Variants in HDX observed in about 807,000 individuals in gnomAD.
HDX encodes the protein highly divergent homeobox, also known as chromosome X open reading frame 43.
In HDX, 19 loss-of-function variants were observed where a neutral mutation model predicts 45.2. That is an observed-to-expected ratio of 0.42 (90% confidence interval 0.29 to 0.62). HDX has a LOEUF of 0.62. Ranked by LOEUF, HDX falls within the 20% of genes least tolerant of loss-of-function variation. The pLI, the probability that HDX is intolerant of heterozygous loss-of-function variation, is 0.20. For synonymous variants in HDX, 188 were observed against 172.8 expected (o/e 1.09, Z -0.69); for missense variants, 532 against 493.9 (o/e 1.08, Z -0.73).
intron 1 of HDX, among the ~76,000 whole-genome samples, chrX:84,488,361 AC>A (rs2040836134): frequency 9.7e-6 from 1 of 103,231 alleles, no homozygotes; most frequent in East Asian, 2.8e-4. Context: ...ACACACACAC[AC>A]ACAACCAGTT....
At chrX:84,373,328 C>A (rs922296081) in intron 5 of HDX, among the ~76,000 whole-genome samples, 3 of 110,687 alleles carry the variant, frequency 2.7e-5, no homozygotes, top group Non-Finnish European at 5.7e-5. Context: ...ACATTTGGTT[C>A]AGAGTCTTGG....
At chrX:84,393,696 A>G (rs1262971297) in intron 5 of HDX, among the ~76,000 whole-genome samples, 1 of 110,762 alleles carries the variant, frequency 9.0e-6, no homozygotes, top group Non-Finnish European at 1.9e-5. Context: ...TGATCTCATT[A>G]CTTGTTATTG....
chrX:84,431,183 C>CT (rs763547075), intron 5 of HDX, among the ~76,000 whole-genome samples: 63 of 107,664 alleles, frequency 5.9e-4, no homozygotes, highest in African/African-American at 1.6e-3. Flanking sequence ...TCCATATTGC[C>CT]TTTTTTTTTA....
At chrX:84,421,424 A>G (rs2039250195) in intron 5 of HDX, among the ~76,000 whole-genome samples, 1 of 111,523 alleles carries the variant, frequency 9.0e-6, no homozygotes, top group African/African-American at 3.3e-5. Flanking sequence ...ACTAAAAAAG[A>G]TACATTGGAT....
chrX:84,486,011 G>T (rs1487090125), intron 2 of HDX, among the ~76,000 whole-genome samples: 1 of 111,450 alleles, frequency 9.0e-6, no homozygotes, highest in Non-Finnish European at 1.9e-5. Flanking sequence ...GTTTTAATTA[G>T]TTTCTTTACA....
intron 5 of HDX, among the ~76,000 whole-genome samples, chrX:84,372,482 C>G: frequency 8.9e-6 from 1 of 112,043 alleles, no homozygotes; most frequent in East Asian, 2.8e-4. Flanking sequence ...CATAAGCACA[C>G]AGCAAGTTTA....
intron 4 of HDX, among the ~76,000 whole-genome samples, chrX:84,447,992 C>G (rs2039909542): frequency 9.0e-6 from 1 of 111,616 alleles, no homozygotes; most frequent in South Asian, 3.8e-4. Flanking sequence ...TCTGTAAAAG[C>G]CTGGCAATCA....
intron 4 of HDX, among the ~76,000 whole-genome samples, chrX:84,449,248 A>G (rs774308201): frequency 1.8e-5 from 2 of 111,746 alleles, no homozygotes; most frequent in Non-Finnish European, 3.8e-5. Context: ...AAACCTATTT[A>G]GTTAAATAAT....
intron 7 of HDX, among the ~76,000 whole-genome samples, chrX:84,338,307 C>A (rs948916254): frequency 1.0e-4 from 11 of 110,415 alleles, no homozygotes; most frequent in African/African-American, 3.3e-4. Flanking sequence ...ATGTTTTTGT[C>A]TCCTCTGCTA....
chrX:84,356,777 C>T (rs1286352904), intron 6 of HDX, among the ~76,000 whole-genome samples: 3 of 109,662 alleles, frequency 2.7e-5, no homozygotes, highest in Non-Finnish European at 5.7e-5. Flanking sequence ...CGCCCGCCAC[C>T]ACGCCTGGCT....
chrX:84,361,340 T>A (rs2037617797), intron 6 of HDX, 126 bp downstream of exon 6: 1 of 499,864 alleles, frequency 2.0e-6, no homozygotes, highest in African/African-American at 2.4e-5. Context: ...TCAAAATATC[T>A]CCTATCCTGT....
intron 5 of HDX, among the ~76,000 whole-genome samples, chrX:84,370,776 C>A (rs1252383423): frequency 8.9e-6 from 1 of 112,083 alleles, no homozygotes; most frequent in African/African-American, 3.2e-5. Flanking sequence ...TGGAACAAGA[C>A]CCCCTATTAT....
intron 4 of HDX, among the ~76,000 whole-genome samples, chrX:84,459,955 C>T (rs948601944): frequency 9.0e-6 from 1 of 111,319 alleles, no homozygotes; most frequent in Non-Finnish European, 1.9e-5. Context: ...TGAAAAATTT[C>T]TAGATACATA....
At chrX:84,410,394 A>G (rs192237393) in intron 5 of HDX, among the ~76,000 whole-genome samples, 1 of 111,495 alleles carries the variant, frequency 9.0e-6, no homozygotes, top group East Asian at 2.8e-4. Flanking sequence ...CCTTTTCTTC[A>G]TCTATTGAAA....
At chrX:84,466,984 A>C (rs2040362589) in intron 4 of HDX, among the ~76,000 whole-genome samples, 1 of 111,565 alleles carries the variant, frequency 9.0e-6, no homozygotes, top group African/African-American at 3.3e-5. Flanking sequence ...ATTATTAAGA[A>C]CAACACTGAA....
rs766867587 is a variant in HDX, at chrX:84,415,538, T to C, written c.1305+24994A>G. 2.7e-5 allele frequency among the ~76,000 whole-genome samples: 3 copies of C among 112,066 alleles called. No individual in the cohort carries two copies. The South Asian group carries it at 1.1e-3, about 42-fold the overall frequency. ...AGTCCCAGCTCAGCAGATTCCCTTC[T>C]CTGTTATGTGGCTTCTGGAAATCAA... On this transcript the variant is annotated intron_variant, in intron 5 of 10. Coordinates refer to ENST00000373177, the MANE Select transcript of HDX (RefSeq NM_001177479.2).
intron 4 of HDX, among the ~76,000 whole-genome samples, chrX:84,446,075 T>G (rs1034327668): frequency 1.8e-5 from 2 of 111,490 alleles, no homozygotes; most frequent in Non-Finnish European, 3.8e-5. Flanking sequence ...CTACTGATTC[T>G]TGAGATATTC....
intron 4 of HDX, among the ~76,000 whole-genome samples, chrX:84,445,066 G>C: frequency 8.9e-6 from 1 of 111,841 alleles, no homozygotes; most frequent in Non-Finnish European, 1.9e-5. Flanking sequence ...TAGTCACACA[G>C]AGATTATATG....
At chrX:84,436,878 T>TTTG (rs775024493) in intron 5 of HDX, among the ~76,000 whole-genome samples, 51 of 110,579 alleles carry the variant, frequency 4.6e-4, no homozygotes, top group Non-Finnish European at 8.7e-4. Flanking sequence ...ATTGCGTGTT[T>TTTG]TTGTTGTTGT....
Sources: gnomAD v4.1 joint callset for allele counts (sites outside exome capture counted in the v4.1 genomes callset) on GRCh38, gnomAD v4.1.1 for gene constraint, MANE v1.5 for transcripts, NCBI Gene and HGNC (gene_info 2026-07-23, HGNC 2026-07-21) for gene names.